The following AGBL4 variants were observed in gnomAD, a reference collection of about 807,000 sequenced individuals.
AGBL4 encodes the protein cytosolic carboxypeptidase 6.
In AGBL4, 58 loss-of-function variants were observed where a neutral mutation model predicts 66.4. The ratio of observed to expected loss-of-function variants is 0.87; its 90% CI spans 0.71 to 1.09. The LOEUF (loss-of-function observed/expected upper bound fraction) is 1.09, where lower values mean the gene tolerates loss of function less well. Ranked by LOEUF, AGBL4 falls within the 50% of genes least tolerant of loss-of-function variation. The pLI is 0.00. For synonymous variants in AGBL4, 234 were observed against 222.9 expected (o/e 1.05, Z -0.44); for missense variants, 579 against 631.0 (o/e 0.92, Z 0.88).
chr1:48,548,633 T>C (rs562539107), intron 11 of AGBL4, among the ~76,000 whole-genome samples: 1 of 152,272 alleles, frequency 6.6e-6, no homozygotes, highest in South Asian at 2.1e-4. Flanking sequence ...GACTCATCTC[T>C]GAAGCTTTCT....
chr1:48,653,572 C>T, intron 7 of AGBL4, 121 bp from the exon 8 acceptor site: 1 of 677,744 alleles, frequency 1.5e-6, no homozygotes, highest in Admixed American at 2.5e-5. Flanking sequence ...TTGTTATTGG[C>T]CACTGTGGGT....
intron 4 of AGBL4, among the ~76,000 whole-genome samples, chr1:49,121,601 C>T (rs1179751638): frequency 1.3e-5 from 2 of 152,166 alleles, no homozygotes; most frequent in African/African-American, 4.8e-5. Context: ...GAGGCAGCAA[C>T]CTATATGAGG....
chr1:49,983,019 C>G (rs1472183402), intron 1 of AGBL4, among the ~76,000 whole-genome samples: 1 of 152,216 alleles, frequency 6.6e-6, no homozygotes, highest in Non-Finnish European at 1.5e-5. Context: ...GCTGTTCTAT[C>G]TATCAATAAA....
At chr1:49,627,170 T>C (rs907064411) in intron 3 of AGBL4, among the ~76,000 whole-genome samples, 2 of 152,150 alleles carry the variant, frequency 1.3e-5, no homozygotes, top group African/African-American at 4.8e-5. Flanking sequence ...AGAATATTTG[T>C]GAATAAAGAT....
intron 5 of AGBL4, among the ~76,000 whole-genome samples, chr1:49,007,558 T>G (rs1396612427): frequency 2.7e-5 from 4 of 150,104 alleles, no homozygotes; most frequent in Non-Finnish European, 5.9e-5. Context: ...GAAGAGCAAC[T>G]CCAAGACACA....
At chr1:49,816,992 T>C (rs975550054) in intron 2 of AGBL4, among the ~76,000 whole-genome samples, 1 of 152,178 alleles carries the variant, frequency 6.6e-6, no homozygotes, top group Non-Finnish European at 1.5e-5. Context: ...ATATTAGAGA[T>C]GTCCATTACT....
chr1:49,531,331 G>T (rs1192371452), intron 3 of AGBL4, among the ~76,000 whole-genome samples: 1 of 152,026 alleles, frequency 6.6e-6, no homozygotes, highest in East Asian at 1.9e-4. Flanking sequence ...AAAACAAAAA[G>T]ATTTAAATGA....
At chr1:49,593,875 CA>C (rs1158612440) in intron 3 of AGBL4, among the ~76,000 whole-genome samples, 1 of 151,558 alleles carries the variant, frequency 6.6e-6, no homozygotes, top group African/African-American at 2.4e-5. Context: ...AGCAGGACTT[CA>C]AAAAATATAG....
At chr1:49,081,127 C>T (rs1644802528) in intron 4 of AGBL4, among the ~76,000 whole-genome samples, 1 of 151,968 alleles carries the variant, frequency 6.6e-6, no homozygotes, top group Admixed American at 6.6e-5. Context: ...TACATACTAC[C>T]CCAAAACTCA....
rs545481250 is a variant in AGBL4 at position 49,482,697 on chromosome 1, A to G, written c.282+214616T>C. ...GAGATTTGTTTGCCATTGGTTCTCT[A>G]GTTCTTCTAGTTGTGATATTAGGTT... On this transcript the variant is annotated intron_variant, in intron 3 of 13. Coordinates refer to ENST00000371839, the MANE Select transcript of AGBL4 (RefSeq NM_032785.4). 2.6e-5 allele frequency among the ~76,000 whole-genome samples: 4 copies of G among 151,726 alleles called. No individual in the cohort carries two copies. The East Asian group carries it at 5.8e-4, about 22-fold the overall frequency.
At chr1:49,469,127 C>T (rs1315407878) in intron 3 of AGBL4, among the ~76,000 whole-genome samples, 1 of 151,808 alleles carries the variant, frequency 6.6e-6, no homozygotes, top group African/African-American at 2.4e-5. Flanking sequence ...CTGCTCATAA[C>T]TGTTACAATG....
chr1:49,582,520 T>C (rs114637281), intron 3 of AGBL4, among the ~76,000 whole-genome samples: 51 of 152,292 alleles, frequency 3.3e-4, no homozygotes, highest in African/African-American at 1.2e-3. Flanking sequence ...GCAACTCTCA[T>C]CCTGCTCAGT....
intron 3 of AGBL4, among the ~76,000 whole-genome samples, chr1:49,441,670 C>T (rs967572094): frequency 2.0e-5 from 3 of 152,230 alleles, no homozygotes; most frequent in Non-Finnish European, 4.4e-5. Flanking sequence ...TGTCAGATCT[C>T]ACAGTGGGAA....
chr1:49,254,778 C>A (rs1472618937), intron 3 of AGBL4, among the ~76,000 whole-genome samples: 2 of 152,110 alleles, frequency 1.3e-5, no homozygotes, highest in Non-Finnish European at 2.9e-5. Context: ...TACATGGCTA[C>A]AGTAATCAAA....
chr1:49,557,656 G>C (rs966056610), intron 3 of AGBL4, among the ~76,000 whole-genome samples: 4 of 152,066 alleles, frequency 2.6e-5, no homozygotes, highest in African/African-American at 9.7e-5. Context: ...CTACCACCAA[G>C]GGCTAAAGTG....
chr1:49,985,614 C>A (rs1200298322), intron 1 of AGBL4, among the ~76,000 whole-genome samples: 1 of 152,150 alleles, frequency 6.6e-6, no homozygotes, highest in Admixed American at 6.5e-5. Context: ...AGGAAAAAGC[C>A]AGTACACACG....
chr1:49,794,055 A>G lies in AGBL4; in HGVS notation c.157+57341T>C, dbSNP rs183379396. ...TGACTTTGAAAAGAACATTTTCAGG[A>G]AAGTAGTGAGTAAAAGTGGAAAACA... On this transcript the variant is annotated intron_variant, in intron 2 of 13. Coordinates refer to ENST00000371839, the MANE Select transcript of AGBL4 (RefSeq NM_032785.4). Among the ~76,000 whole-genome samples, 140 of 152,086 alleles carry G rather than the reference A, an allele frequency of 9.2e-4. 1 individual carries two copies. Among genetic ancestry groups the G allele is most frequent in the African/African-American group, 3.2e-3 (135 of 41,568 alleles).
chr1:49,990,773 C>G (rs1659882455), intron 1 of AGBL4, among the ~76,000 whole-genome samples: 1 of 152,100 alleles, frequency 6.6e-6, no homozygotes, highest in Non-Finnish European at 1.5e-5. Flanking sequence ...ACTGATGATA[C>G]TACAGTATAA....
intron 1 of AGBL4, among the ~76,000 whole-genome samples, chr1:49,960,537 A>T (rs1407532717): frequency 6.6e-6 from 1 of 152,080 alleles, no homozygotes; most frequent in Non-Finnish European, 1.5e-5. Flanking sequence ...TATATTATGT[A>T]GTTTAAAATA....
Sources: gnomAD v4.1 joint callset for allele counts (sites outside exome capture counted in the v4.1 genomes callset) on GRCh38, gnomAD v4.1.1 for gene constraint, MANE v1.5 for transcripts, NCBI Gene and HGNC (gene_info 2026-07-23, HGNC 2026-07-21) for gene names.